The following DNAH11 variants were observed in gnomAD, a reference collection of about 807,000 sequenced individuals.
The protein encoded by DNAH11 is dynein axonemal heavy chain 11, also known as axonemal beta dynein heavy chain 11.
A neutral mutation model predicts 526.0 loss-of-function variants in DNAH11; 442 were observed. The ratio of observed to expected loss-of-function variants is 0.84; its 90% CI spans 0.78 to 0.91. The LOEUF (loss-of-function observed/expected upper bound fraction) is 0.91. DNAH11 is among the 40% of genes least tolerant of loss of function. DNAH11 has a pLI of 0.00. For missense variants in DNAH11, 6,989 were observed against 5,448.7 expected, an observed-to-expected ratio of 1.28 and a Z score of -8.90; for synonymous variants, 2,461 against 1,935.9, an observed-to-expected ratio of 1.27 and a Z score of -7.12.
intron 34 of DNAH11, among the ~76,000 whole-genome samples, chr7:21,688,611 C>G (rs1490743298): frequency 6.6e-6 from 1 of 152,234 alleles, no homozygotes; most frequent in African/African-American, 2.4e-5. Context: ...GTCTCCCAGG[C>G]TTCTCATATT....
At chr7:21,620,992 C>G (rs891603160) in intron 25 of DNAH11, among the ~76,000 whole-genome samples, 1 of 152,052 alleles carries the variant, frequency 6.6e-6, no homozygotes, top group Middle Eastern at 3.2e-3. Flanking sequence ...GGTTCCAAGT[C>G]TTTGCTGTTG....
At chr7:21,740,738 C>T (rs1254811016) in intron 48 of DNAH11, among the ~76,000 whole-genome samples, 1 of 152,084 alleles carries the variant, frequency 6.6e-6, no homozygotes, top group Non-Finnish European at 1.5e-5. Context: ...GGGTGTACAC[C>T]CAGCAATACA....
intron 42 of DNAH11, among the ~76,000 whole-genome samples, chr7:21,716,282 G>A (rs565733167): frequency 1.2e-4 from 19 of 152,224 alleles, no homozygotes; most frequent in African/African-American, 3.9e-4. Flanking sequence ...ACGGAGCCGC[G>A]ATCTAAACCT....
At chr7:21,751,130 C>T (rs925700480) in intron 54 of DNAH11, among the ~76,000 whole-genome samples, 2 of 152,096 alleles carry the variant, frequency 1.3e-5, no homozygotes, top group African/African-American at 4.8e-5. Flanking sequence ...TCAAGACCAA[C>T]CTGGCCAACA....
At chr7:21,664,686 C>A (rs1012368495) in intron 30 of DNAH11, among the ~76,000 whole-genome samples, 74 of 151,998 alleles carry the variant, frequency 4.9e-4, no homozygotes, top group African/African-American at 1.6e-3. Context: ...GTTTTGAACT[C>A]CAGGCTTGAA....
intron 28 of DNAH11, among the ~76,000 whole-genome samples, chr7:21,655,627 G>A (rs180678839): frequency 2.1e-4 from 32 of 152,228 alleles, no homozygotes; most frequent in African/African-American, 7.2e-4. Flanking sequence ...AGTATGTGAT[G>A]ATTTGACCAG....
rs184860653 is a variant in DNAH11 at position 21,655,758 on chromosome 7, G to C, written c.4945-74G>C. 4 of 1,430,344 alleles carry C rather than the reference G, an allele frequency of 2.8e-6. No individual in the cohort carries two copies. The East Asian group carries it at 9.6e-5, about 34-fold the overall frequency. The allele number at this position is 1,430,344 out of a possible 1,614,324, so 88.6% of individuals were successfully genotyped here. On this transcript the variant is annotated intron_variant, in intron 28 of 81. Transcript: ENST00000409508. ...TCCATAACGTTTCATGACTTCATATGGCATCATCTCTAGATTATCAGAATA... is the reference window on the plus strand; with the variant it reads ...TCCATAACGTTTCATGACTTCATATCGCATCATCTCTAGATTATCAGAATA...
chr7:21,873,557 T>C (rs1783580349), intron 74 of DNAH11, 56 bp downstream of exon 74: 5 of 1,550,086 alleles, frequency 3.2e-6, no homozygotes, highest in Middle Eastern at 2.1e-4. Context: ...CTCACAAGAC[T>C]GTGGGGCCCA....
At chr7:21,615,984 T>C (rs1435392139) in intron 21 of DNAH11, among the ~76,000 whole-genome samples, 1 of 152,226 alleles carries the variant, frequency 6.6e-6, no homozygotes, top group Non-Finnish European at 1.5e-5. Flanking sequence ...TTATCATCGC[T>C]ACTAGAAATT....
At chr7:21,708,633 TC>T (rs2128480417) in intron 40 of DNAH11, among the ~76,000 whole-genome samples, 1 of 152,240 alleles carries the variant, frequency 6.6e-6, no homozygotes, top group Admixed American at 6.5e-5. Context: ...CCTGCCCCCG[TC>T]CCCAAATCCC....
chr7:21,865,986 C>T (rs140917216), intron 70 of DNAH11, among the ~76,000 whole-genome samples: 25 of 152,296 alleles, frequency 1.6e-4, no homozygotes, highest in Non-Finnish European at 2.9e-4. Flanking sequence ...ACCCTCATCA[C>T]CATCGTGGTT....
At chr7:21,564,484 G>T (rs929052604) in intron 6 of DNAH11, 87 bp downstream of exon 6, 12 of 856,454 alleles carry the variant, frequency 1.4e-5, no homozygotes, top group Non-Finnish European at 2.1e-5. Flanking sequence ...CTAGTATACA[G>T]TAAGAACACC....
intron 34 of DNAH11, among the ~76,000 whole-genome samples, chr7:21,688,089 C>T (rs769773011): frequency 3.3e-5 from 5 of 152,140 alleles, no homozygotes; most frequent in Non-Finnish European, 7.3e-5. Flanking sequence ...TTCTAAGATG[C>T]TCATTCCATT....
Position 21,880,879 on chromosome 7 carries a change from G to A in DNAH11, c.12373G>A (p.Glu4125Lys), listed in dbSNP as rs776113179. The change falls in exon 75 of 82, where the codon GAG becomes AAG. Residue 4125 changes from glutamate (E) to lysine (K), a missense_variant. By Grantham distance (56) the Glu-to-Lys change is moderately conservative. Transcript: ENST00000409508. ...TGCCAGTGTCCTCTACAACTACTTA[G>A]AGGCAAACTCTAAAGTAAGTGCTAG... is the stretch of plus-strand genomic sequence containing the variant. ...ICASVLYNYL[E>K]ANSKVPWEDL... The A allele has an allele frequency of 1.1e-5, 17 of 1,604,680 alleles. No homozygotes were observed. Among genetic ancestry groups the A allele is most frequent in the Non-Finnish European group, 1.4e-5 (17 of 1,177,684 alleles).
chr7:21,611,818 TAAAC>T (rs1471364842), intron 20 of DNAH11, among the ~76,000 whole-genome samples: 1 of 152,202 alleles, frequency 6.6e-6, no homozygotes, highest in Admixed American at 6.5e-5. Context: ...ATATTTCAGG[TAAAC>T]AAAAATGCAA....
chr7:21,674,516 A>G (rs1782785135), intron 30 of DNAH11, among the ~76,000 whole-genome samples: 1 of 152,100 alleles, frequency 6.6e-6, no homozygotes, highest in Non-Finnish European at 1.5e-5. Context: ...GTGCACCACC[A>G]TGCCTGGCTA....
In DNAH11 at chr7:21,636,087, G is replaced by T; in HGVS notation, c.4717G>T (p.Glu1573Ter). The change falls in exon 26 of 82, where the codon GAA (glutamate) becomes TAA (stop). Residue 1573 changes from glutamate to a stop codon, truncating the protein, a stop_gained. Transcript: ENST00000409508. LOFTEE classifies it high-confidence loss of function. ...DARRFDGVDAEFKELMFKTAK... is the reference protein window; with the variant it reads ...DARRFDGVDA ...TAGAAGATTTGATGGGGTGGATGCT[G>T]AATTTAAGGTTTGTCAAAGACAGGC... The T allele has an allele frequency of 6.2e-7, 1 of 1,608,082 alleles. No homozygotes were observed. The highest frequency in any genetic ancestry group is 8.5e-7 in the Non-Finnish European group (1 of 1,176,120).
At chr7:21,767,832 A>G (rs1787244952) in intron 55 of DNAH11, among the ~76,000 whole-genome samples, 1 of 152,062 alleles carries the variant, frequency 6.6e-6, no homozygotes, top group Non-Finnish European at 1.5e-5. Flanking sequence ...CTTAGTTTTA[A>G]TTTCCTTTTT....
At chr7:21,554,527 G>T (rs1783146348) in intron 2 of DNAH11, among the ~76,000 whole-genome samples, 1 of 152,026 alleles carries the variant, frequency 6.6e-6, no homozygotes, top group Non-Finnish European at 1.5e-5. Flanking sequence ...TTTTTGTTCA[G>T]CTGGCAAGAC....
Sources: gnomAD v4.1 joint callset for allele counts (sites outside exome capture counted in the v4.1 genomes callset) on GRCh38, gnomAD v4.1.1 for gene constraint, MANE v1.5 for transcripts, NCBI Gene and HGNC (gene_info 2026-07-23, HGNC 2026-07-21) for gene names.